PDE8B: variants seen among roughly 807,000 people sequenced by gnomAD.
PDE8B encodes high affinity cAMP-specific and IBMX-insensitive 3',5'-cyclic phosphodiesterase 8B.
In PDE8B, 26 loss-of-function variants were observed where a neutral mutation model predicts 101.3. The ratio of observed to expected loss-of-function variants is 0.26; its 90% CI spans 0.19 to 0.36. PDE8B has a LOEUF of 0.36. Ranked by LOEUF, PDE8B falls within the 10% of genes least tolerant of loss-of-function variation. The pLI is 1.00. For missense variants in PDE8B, 810 were observed against 1,163.1 expected (o/e 0.70, Z 4.42); for synonymous variants, 424 against 429.3 (o/e 0.99, Z 0.15).
upstream of PDE8B, among the ~76,000 whole-genome samples, chr5:77,206,708 G>A (rs895792494): frequency 6.6e-6 from 1 of 152,036 alleles, no homozygotes; most frequent in Non-Finnish European, 1.5e-5. Context: ...CTGTGGAAAG[G>A]TTATACTAGA....
At chr5:77,412,316 C>T in intron 16 of PDE8B, 81 bp downstream of exon 16, 2 of 1,466,194 alleles carry the variant, frequency 1.4e-6, no homozygotes, top group South Asian at 1.1e-5. Flanking sequence ...TTGAGGGAGA[C>T]ATGTTTTTGC....
chr5:77,360,078 G>A (rs374150362), intron 10 of PDE8B, among the ~76,000 whole-genome samples: 1 of 148,366 alleles, frequency 6.7e-6, no homozygotes, highest in African/African-American at 2.5e-5. Context: ...GTGACACAGC[G>A]AGACTTCATC....
chr5:77,339,196 A>T (rs7710224), intron 6 of PDE8B, among the ~76,000 whole-genome samples: 4 of 152,190 alleles, frequency 2.6e-5, no homozygotes, highest in Admixed American at 2.0e-4. Flanking sequence ...TGTAAGTACT[A>T]TACTTCTGAC....
chr5:77,293,114 T>C (rs1561481556), intron 1 of PDE8B, among the ~76,000 whole-genome samples: 1 of 152,200 alleles, frequency 6.6e-6, no homozygotes, highest in Non-Finnish European at 1.5e-5. Flanking sequence ...ACTTTCTCAC[T>C]GATATAAAAT....
intron 1 of PDE8B, among the ~76,000 whole-genome samples, chr5:77,282,679 C>T (rs1215433070): frequency 6.6e-6 from 1 of 152,030 alleles, no homozygotes; most frequent in Non-Finnish European, 1.5e-5. Flanking sequence ...AGGAAAGATT[C>T]TTAGGCCGTG....
the PDE8B span, among the ~76,000 whole-genome samples, chr5:77,116,231 T>TC: frequency 9.6e-6 from 1 of 104,110 alleles, no homozygotes; most frequent in Non-Finnish European, 2.1e-5. Flanking sequence ...TATATTTTTT[T>TC]TTTTTTTTTT....
At chr5:77,402,457 T>A (rs1792482009) in intron 11 of PDE8B, among the ~76,000 whole-genome samples, 1 of 152,186 alleles carries the variant, frequency 6.6e-6, no homozygotes, top group African/African-American at 2.4e-5. Context: ...AATAATTCAG[T>A]TTTAATTTTT....
intron 20 of PDE8B, among the ~76,000 whole-genome samples, 157 bp downstream of exon 20, chr5:77,422,145 T>C (rs1345243618): frequency 1.3e-5 from 2 of 152,264 alleles, no homozygotes; most frequent in Non-Finnish European, 2.9e-5. Context: ...GGTAGGCTTC[T>C]GGTTCCTTCA....
At chr5:77,097,598 G>T in the PDE8B span, among the ~76,000 whole-genome samples, 2 of 141,172 alleles carry the variant, frequency 1.4e-5, no homozygotes, top group Non-Finnish European at 3.1e-5. Context: ...TCTCATGTTT[G>T]CAGGGTATCA....
chr5:77,342,022 A>G (rs150222024), intron 6 of PDE8B, among the ~76,000 whole-genome samples: 54 of 152,310 alleles, frequency 3.5e-4, no homozygotes, highest in African/African-American at 1.1e-3. Flanking sequence ...TTCTGCAACT[A>G]TAGGAATGGC....
chr5:77,176,611 A>G, the PDE8B span, among the ~76,000 whole-genome samples: 1 of 152,272 alleles, frequency 6.6e-6, no homozygotes, highest in East Asian at 1.9e-4. Context: ...ACACGGGCCC[A>G]CACTGAGCCT....
At chr5:77,256,796 G>A (rs557603280) in intron 1 of PDE8B, among the ~76,000 whole-genome samples, 2 of 151,990 alleles carry the variant, frequency 1.3e-5, no homozygotes, top group African/African-American at 2.4e-5. Context: ...TACATTTTAG[G>A]AAAAAATCTC....
At chr5:77,394,401 C>A (rs938822037) in intron 10 of PDE8B, among the ~76,000 whole-genome samples, 1 of 152,138 alleles carries the variant, frequency 6.6e-6, no homozygotes, top group African/African-American at 2.4e-5. Context: ...AAACCATTTC[C>A]ATTTTATCAT....
intron 1 of PDE8B, among the ~76,000 whole-genome samples, chr5:77,212,053 G>A (rs1748551966): frequency 6.6e-6 from 1 of 152,178 alleles, no homozygotes; most frequent in East Asian, 1.9e-4. Flanking sequence ...GGTTAAAGCA[G>A]TCGCTAAATA....
chr5:77,309,093 C>A (rs1771920663), intron 1 of PDE8B, among the ~76,000 whole-genome samples: 4 of 151,874 alleles, frequency 2.6e-5, no homozygotes, highest in African/African-American at 9.7e-5. Context: ...GCAGGAAAAT[C>A]ACTTGAACCC....
At chr5:77,378,543 C>A (rs545288496) in intron 10 of PDE8B, among the ~76,000 whole-genome samples, 100 of 147,722 alleles carry the variant, frequency 6.8e-4, no homozygotes, top group African/African-American at 2.4e-3. Flanking sequence ...ATTGGTGTTT[C>A]TCAAACTGTA....
chr5:77,402,613 C>T (rs1180046232), intron 11 of PDE8B, among the ~76,000 whole-genome samples: 2 of 152,176 alleles, frequency 1.3e-5, no homozygotes, highest in Non-Finnish European at 2.9e-5. Flanking sequence ...TGTCTAAAGA[C>T]ATATATGCAA....
At chr5:77,093,946 T>G in the PDE8B span, among the ~76,000 whole-genome samples, 1 of 152,144 alleles carries the variant, frequency 6.6e-6, no homozygotes, top group Non-Finnish European at 1.5e-5. Flanking sequence ...GAATATCTAC[T>G]CTATCAGTTT....
the PDE8B span, chr5:77,152,138 G>T: frequency 6.6e-6 from 1 of 152,120 alleles, no homozygotes; most frequent in Non-Finnish European, 1.5e-5. Context: ...GGGACTCAAT[G>T]GATATTTATC....
Sources: allele counts gnomAD v4.1 joint callset (sites outside exome capture counted in the v4.1 genomes callset), GRCh38; gene constraint gnomAD v4.1.1; transcripts MANE v1.5; gene names NCBI Gene and HGNC (gene_info 2026-07-23, HGNC 2026-07-21).